The following FN1 variants were observed in gnomAD, a reference collection of about 807,000 sequenced individuals.
The protein encoded by FN1 is fibronectin 1.
A neutral mutation model predicts 297.3 loss-of-function variants in FN1; 106 were observed. The ratio of observed to expected loss-of-function variants is 0.36; its 90% CI spans 0.30 to 0.42. FN1 has a LOEUF of 0.42. FN1 is among the 10% of genes least tolerant of loss of function. The probability of loss-of-function intolerance (pLI) is 1.00; values close to 1 mark genes in which losing one functional copy is unlikely to be tolerated. For missense variants in FN1, 2,690 were observed against 3,124.9 expected, an observed-to-expected ratio of 0.86 and a Z score of 3.32; for synonymous variants, 1,149 against 1,152.6, an observed-to-expected ratio of 1.00 and a Z score of 0.06.
intron 2 of FN1, among the ~76,000 whole-genome samples, chr2:215,433,739 G>A (rs1438858355): frequency 6.6e-6 from 1 of 152,208 alleles, no homozygotes; most frequent in Non-Finnish European, 1.5e-5. Flanking sequence ...ACTTATGACA[G>A]AGCTAGATTT....
intron 20 of FN1, among the ~76,000 whole-genome samples, chr2:215,403,882 T>C (rs2061436250): frequency 6.6e-6 from 1 of 152,268 alleles, no homozygotes; most frequent in Non-Finnish European, 1.5e-5. Context: ...TCCCATTCAA[T>C]CCATAGATAT....
rs1464172155 is a variant in FN1 at position 215,424,240 on chromosome 2, G to A, written c.1122C>T (p.Cys374=). ...FTYNGRTFYS[C]TTEGRQDGHL... is the part of the protein sequence containing the mutation. ...GTCCGTCCTGTCGCCCTTCTGTGGT[G>A]CAGGAGTAGAACGTCCTGCCATTGT... The change falls in exon 8 of 46, where the codon TGC becomes TGT. Residue 374 remains cysteine, a synonymous_variant. Coordinates refer to ENST00000354785, the MANE Select transcript of FN1 (RefSeq NM_212482.4). 1 of 1,614,078 alleles carries A rather than the reference G, an allele frequency of 6.2e-7. No homozygotes were observed.
intron 20 of FN1, 40 bp downstream of exon 20, chr2:215,404,349 G>A (rs1471341386): frequency 2.3e-5 from 36 of 1,555,130 alleles, no homozygotes; most frequent in Non-Finnish European, 3.1e-5. Flanking sequence ...AATAGAGAAT[G>A]TAAATATAGT....
At chr2:215,423,069 C>T (rs1231021002) in intron 9 of FN1, among the ~76,000 whole-genome samples, 1 of 152,060 alleles carries the variant, frequency 6.6e-6, no homozygotes, top group African/African-American at 2.4e-5. Flanking sequence ...TATTTCCAGA[C>T]TTACAAATAA....
chr2:215,428,440 T>C (rs1333842498), intron 5 of FN1, 102 bp from the exon 6 acceptor site: 1 of 1,008,012 alleles, frequency 9.9e-7, no homozygotes, highest in African/African-American at 1.6e-5. Flanking sequence ...AATCTATTTT[T>C]GGTAATATGT....
intron 26 of FN1, among the ~76,000 whole-genome samples, chr2:215,389,671 T>C (rs1183871912): frequency 6.6e-6 from 1 of 152,016 alleles, no homozygotes; most frequent in Admixed American, 6.6e-5. Context: ...ACGCCTGTAA[T>C]CCCAGCTACT....
intron 44 of FN1, chr2:215,362,581 TG>T: frequency 6.0e-6 from 1 of 166,830 alleles, no homozygotes; most frequent in East Asian, 1.6e-4. Flanking sequence ...GCCCAGGAGG[TG>T]GGGTGACCTG....
At chr2:215,420,893 C>G in intron 10 of FN1, 92 bp from the exon 11 acceptor site, 1 of 1,127,788 alleles carries the variant, frequency 8.9e-7, no homozygotes, top group Non-Finnish European at 1.3e-6. Flanking sequence ...ACAACTACTT[C>G]CACTTAATTA....
chr2:215,409,471 C>T, intron 15 of FN1, 92 bp downstream of exon 15: 1 of 1,222,874 alleles, frequency 8.2e-7, no homozygotes, highest in Non-Finnish European at 1.2e-6. Flanking sequence ...TTCCAAACCA[C>T]AGATACCACC....
intron 34 of FN1, 30 bp downstream of exon 34, chr2:215,379,100 T>A (rs1559375931): frequency 6.3e-7 from 1 of 1,591,674 alleles, no homozygotes; most frequent in East Asian, 2.2e-5. Flanking sequence ...ATCTCCATCT[T>A]TATTCCAATG....
At chr2:215,414,633 A>G in intron 13 of FN1, 2 of 1,336,152 alleles carry the variant, frequency 1.5e-6, no homozygotes, top group South Asian at 2.2e-5. Flanking sequence ...GCAAAAAAAC[A>G]AAACCCAAAA....
chr2:215,410,195 T>C, intron 13 of FN1, 81 bp from the exon 14 acceptor site: 8 of 1,439,360 alleles, frequency 5.6e-6, no homozygotes, highest in Non-Finnish European at 7.6e-6. Flanking sequence ...TTCAGTAATC[T>C]TCAAAGAAAA....
rs72942040 is a variant in FN1 at position 215,368,341 on chromosome 2, C to T, written c.6854-314G>A. Reference sequence around the variant, plus strand: ...TGAGGCAATTGAAGCTAGTGGAGAACTTTAGTGGGATGCAAAGACTAATGA... The same window carrying T: ...TGAGGCAATTGAAGCTAGTGGAGAATTTTAGTGGGATGCAAAGACTAATGA... On this transcript the variant is annotated intron_variant, in intron 41 of 45. Coordinates refer to ENST00000354785, the MANE Select transcript of FN1 (RefSeq NM_212482.4). 7.9e-3 allele frequency among the ~76,000 whole-genome samples: 1,205 copies of T among 152,274 alleles called. 12 individuals are homozygous for T. The highest frequency in any genetic ancestry group is 0.014 in the Middle Eastern group (4 of 294).
chr2:215,379,222 G>A lies in FN1; in HGVS notation c.5530C>T (p.Arg1844Ter). 1 of 1,614,016 alleles carries A rather than the reference G, an allele frequency of 6.2e-7. No individual in the cohort carries two copies. The highest frequency in any genetic ancestry group is 2.2e-5 in the East Asian group (1 of 44,874). Residue 1844 changes from arginine to a stop codon, truncating the protein, a stop_gained, in exon 34 of 46, where the codon CGA (arginine) becomes TGA (stop). Coordinates refer to ENST00000354785, the MANE Select transcript of FN1 (RefSeq NM_212482.4). LOFTEE classifies it high-confidence loss of function. ...TPPNVQLTGY[R>*]VRVTPKEKTG... ...TTCTCCTTGGGGGTCACCCGCACTCGATATCCAGTGAGCTGAACATTGGGT... is the reference window on the plus strand; with the variant it reads ...TTCTCCTTGGGGGTCACCCGCACTCAATATCCAGTGAGCTGAACATTGGGT...
chr2:215,420,723 T>C lies in FN1; in HGVS notation c.1625A>G (p.Asn542Ser), dbSNP rs576328100. The change falls in exon 11 of 46, where the codon AAC becomes AGC. Residue 542 changes from asparagine to serine, a missense_variant. Transcript: ENST00000354785. ...HKRHEEGHMLNCTCFGQGRGR... is the reference protein window; with the variant it reads ...HKRHEEGHMLSCTCFGQGRGR... ...CCGACCCTGACCGAAGCATGTACAG[T>C]TCAGCATGTGCCCCTCTTCATGACG... The C allele has an allele frequency of 6.2e-7, 1 of 1,614,150 alleles. No homozygotes were observed. The highest frequency in any genetic ancestry group is 1.1e-5 in the South Asian group (1 of 91,078).
rs2060676274 is a variant in FN1, at chr2:215,399,192, C to T, written c.3348+65G>A. 4.1e-6 allele frequency: 5 copies of T among 1,224,718 alleles called. No individual in the cohort carries two copies. The South Asian group carries it at 6.0e-5, about 15-fold the overall frequency. The allele number at this position is 1,224,718 out of a possible 1,614,324, so 75.9% of individuals were successfully genotyped here. ...CTGACTCCTGAGCACCCTGTTTCCA[C>T]TACATGGGAACCACAAGGACAGCTC... On this transcript the variant is annotated intron_variant, in intron 21 of 45. Coordinates refer to ENST00000354785, the MANE Select transcript of FN1 (RefSeq NM_212482.4).
rs770932448 is a variant in FN1, at chr2:215,375,243, C to T, written c.6128G>A (p.Arg2043His). 2.3e-5 allele frequency: 37 copies of T among 1,613,922 alleles called. No homozygotes were observed. Among genetic ancestry groups the T allele is most frequent in the African/African-American group, 4.0e-5 (3 of 74,870 alleles). ...SPPREVVPRP[R>H]PGVTEATITG... ...AATAGTAGCCTCTGTGACACCAGGG[C>T]GGGGCCGAGGGACCACTTCTCTGGG... Residue 2043 changes from arginine (R) to histidine (H), a missense_variant, in exon 38 of 46, where the codon CGC (arginine) becomes CAC (histidine). Physicochemically the swap from Arg to His is conservative, Grantham distance 29. This residue lies in a region of FN1 where 1,743 missense variants were observed against 1,945.2 expected (regional missense o/e 0.90). Coordinates refer to ENST00000354785, the MANE Select transcript of FN1 (RefSeq NM_212482.4).
At position 215,385,042 on chromosome 2, in the gene FN1, T is replaced by A. The variant is rs1211764362; in HGVS notation, c.4613-66A>T. On this transcript the variant is annotated intron_variant, in intron 28 of 45. Coordinates refer to ENST00000354785, the MANE Select transcript of FN1 (RefSeq NM_212482.4). ...AACAATATTCAGATTTACTGTTTGTTCATTTTCCAGATAATTGTCTTAATG... is the reference window on the plus strand; with the variant it reads ...AACAATATTCAGATTTACTGTTTGTACATTTTCCAGATAATTGTCTTAATG... The A allele has an allele frequency of 2.7e-6, 3 of 1,110,878 alleles. No individual in the cohort carries two copies. In the African/African-American group the frequency reaches 4.6e-5, roughly 17 times the overall value. 68.8% of individuals were successfully genotyped at this position (1,110,878 alleles called of 1,614,324 possible).
chr2:215,399,392 C>G (rs751736223), intron 20 of FN1, 41 bp from the exon 21 acceptor site: 7 of 1,338,524 alleles, frequency 5.2e-6, no homozygotes, highest in Non-Finnish European at 7.5e-6. Flanking sequence ...AACTCAAACT[C>G]ACAGATGATT....
Sources: gnomAD v4.1 joint callset for allele counts (sites outside exome capture counted in the v4.1 genomes callset) on GRCh38, gnomAD v4.1.1 for gene constraint, gnomAD v4.1.1 regional missense constraint, MANE v1.5 for transcripts, NCBI Gene and HGNC (gene_info 2026-07-23, HGNC 2026-07-21) for gene names.